The following FBXW10 variants were observed in gnomAD, a reference collection of about 807,000 sequenced individuals.
FBXW10 encodes F-box/WD repeat-containing protein 10.
A neutral mutation model predicts 113.1 loss-of-function variants in FBXW10; 68 were observed. The observed-to-expected ratio is 0.60, with a 90% CI of 0.49 to 0.74. The LOEUF is 0.74. FBXW10 is among the 30% of genes least tolerant of loss of function. FBXW10 has a pLI of 0.00. For synonymous variants in FBXW10, 289 were observed against 481.6 expected (o/e 0.60, Z 5.24); for missense variants, 753 against 1,284.5 (o/e 0.59, Z 6.32).
intron 9 of FBXW10, among the ~76,000 whole-genome samples, chr17:18,767,770 C>G (rs1029316461): frequency 2.0e-5 from 3 of 152,084 alleles, no homozygotes; most frequent in African/African-American, 7.2e-5. Flanking sequence ...ACAGGGATGG[C>G]CCATGTGCAC....
At position 18,748,058 on chromosome 17, in the gene FBXW10, C is replaced by T. The variant is rs1216807813; in HGVS notation, c.623C>T (p.Ser208Phe). 1 of 1,613,866 alleles carries T rather than the reference C, an allele frequency of 6.2e-7. No homozygotes were observed. Among genetic ancestry groups the T allele is most frequent in the Admixed American group, 1.7e-5 (1 of 60,006 alleles). The part of the protein sequence containing the change: ...AKTQHTSLPL[S>F]KAPENEHLLG... ...ACTCAGCACACATCCCTTCCTTTGT[C>T]CAAAGCCCCAGAAAATGAACACTTG... The change falls in exon 2 of 14, where the codon TCC becomes TTC. Residue 208 changes from serine (S) to phenylalanine (F), a missense_variant. Coordinates refer to ENST00000395665, the MANE Select transcript of FBXW10 (RefSeq NM_001267585.2).
chr17:18,772,183 G>A (rs1459325103), intron 11 of FBXW10, among the ~76,000 whole-genome samples: 2 of 152,158 alleles, frequency 1.3e-5, no homozygotes, highest in Non-Finnish European at 1.5e-5. Flanking sequence ...TATGTGCCCC[G>A]ATCATGTTTA....
rs2035760566 is a variant in FBXW10, at chr17:18,779,278, G to C, written c.3139G>C (p.Gly1047Arg). The C allele has an allele frequency of 1.6e-6, 2 of 1,236,854 alleles. No individual in the cohort carries two copies. The highest frequency in any genetic ancestry group is 4.7e-5 in the East Asian group (2 of 42,628). The allele number at this position is 1,236,854 out of a possible 1,614,324, so 76.6% of individuals were successfully genotyped here. A position where few individuals can be genotyped will look rare whatever the true frequency, so the allele number is the denominator to read the frequency against. ...AGGGAAAACAGCGGCCCCTGAACTT[G>C]GACAAAATGTATTTATCTAAACCAG... is the stretch of plus-strand genomic sequence containing the variant. ...KQGKTAAPEL[G>R]QNVFI Residue 1047 changes from glycine (G) to arginine (R), a missense_variant, in exon 14 of 14, where the codon GGA (glycine) becomes CGA (arginine). Transcript: ENST00000395665.
chr17:18,751,649 A>T (rs1048350030), intron 5 of FBXW10, among the ~76,000 whole-genome samples: 70 of 152,110 alleles, frequency 4.6e-4, no homozygotes, highest in African/African-American at 1.5e-3. Context: ...TGTCCATGGC[A>T]CCAGGTCATT....
chr17:18,749,334 C>A (rs953439021), intron 2 of FBXW10, among the ~76,000 whole-genome samples: 1 of 151,252 alleles, frequency 6.6e-6, no homozygotes, highest in Admixed American at 6.6e-5. Flanking sequence ...GTCAGGAGAT[C>A]GAGACCATCC....
chr17:18,766,516 G>A (rs1016371041), intron 8 of FBXW10, among the ~76,000 whole-genome samples, 198 bp from the exon 9 acceptor site: 2 of 152,154 alleles, frequency 1.3e-5, no homozygotes, highest in African/African-American at 4.8e-5. Context: ...TATTCAGGGC[G>A]CTCTGTGCTG....
chr17:18,763,685 T>C (rs75549328), intron 7 of FBXW10, among the ~76,000 whole-genome samples: 283 of 151,410 alleles, frequency 1.9e-3, no homozygotes, highest in African/African-American at 6.5e-3. Context: ...AGTGTTCTTG[T>C]TAAAAAACAG....
rs1567615175 is a variant in FBXW10 at position 18,749,795 on chromosome 17, C to CA, written c.746dup (p.Pro250AlafsTer11). 1 of 1,614,184 alleles carries CA rather than the reference C, an allele frequency of 6.2e-7. No homozygotes were observed. Among genetic ancestry groups the CA allele is most frequent in the East Asian group, 2.2e-5 (1 of 44,882 alleles). On this transcript the variant is annotated frameshift_variant, in exon 3 of 14. Transcript: ENST00000395665. LOFTEE classifies it high-confidence loss of function. ...TGTTTTCTGGAAAAGGAGACATAAC[C>CA]AAGCCAGGGTACGATCCCTGCAATC...
chr17:18,747,196 G>A (rs2035055362), intron 1 of FBXW10, among the ~76,000 whole-genome samples: 1 of 152,116 alleles, frequency 6.6e-6, no homozygotes, highest in African/African-American at 2.4e-5. Context: ...AGAGTGCTGG[G>A]ATTACAGGCA....
intron 5 of FBXW10, among the ~76,000 whole-genome samples, chr17:18,751,312 G>A (rs1374788825): frequency 1.3e-5 from 2 of 150,528 alleles, no homozygotes; most frequent in Non-Finnish European, 2.9e-5. Flanking sequence ...TGCAAGCTCC[G>A]CCTCCCGGGT....
intron 9 of FBXW10, among the ~76,000 whole-genome samples, chr17:18,767,990 T>C (rs544498950): frequency 2.0e-5 from 3 of 147,964 alleles, no homozygotes; most frequent in African/African-American, 7.5e-5. Context: ...GCCTTCTTTT[T>C]TTCTTTTATT....
At chr17:18,775,626 G>C (rs2035685139) in intron 13 of FBXW10, among the ~76,000 whole-genome samples, 1 of 152,224 alleles carries the variant, frequency 6.6e-6, no homozygotes, top group Non-Finnish European at 1.5e-5. Context: ...GCTGGTTTCA[G>C]AGAGAATTTT....
intron 6 of FBXW10, among the ~76,000 whole-genome samples, chr17:18,756,797 C>T (rs2151802505): frequency 6.6e-6 from 1 of 152,306 alleles, no homozygotes; most frequent in Non-Finnish European, 1.5e-5. Flanking sequence ...CCTAGGACTT[C>T]ACTTTATATT....
At chr17:18,770,492 C>T (rs1343236931) in intron 11 of FBXW10, among the ~76,000 whole-genome samples, 1 of 151,854 alleles carries the variant, frequency 6.6e-6, no homozygotes, top group Non-Finnish European at 1.5e-5. Flanking sequence ...TTAGTAGAGA[C>T]GGGGTTTCAC....
chr17:18,753,537 C>T (rs555875555), intron 5 of FBXW10, among the ~76,000 whole-genome samples: 1 of 152,246 alleles, frequency 6.6e-6, no homozygotes, highest in South Asian at 2.1e-4. Context: ...TCAAGCCACC[C>T]TTCGCCTTTC....
chr17:18,754,428 G>T (rs1376470832), intron 5 of FBXW10, among the ~76,000 whole-genome samples: 1 of 147,830 alleles, frequency 6.8e-6, no homozygotes, highest in Non-Finnish European at 1.5e-5. Context: ...GAAGGAGAGG[G>T]AGCAGAGGAA....
intron 2 of FBXW10, among the ~76,000 whole-genome samples, chr17:18,748,680 G>A: frequency 6.6e-6 from 1 of 152,096 alleles, no homozygotes. Flanking sequence ...GTGCCCACAA[G>A]ACACATCTGA....
intron 13 of FBXW10, among the ~76,000 whole-genome samples, chr17:18,777,912 T>A (rs1360740962): frequency 6.6e-6 from 1 of 152,106 alleles, no homozygotes; most frequent in Non-Finnish European, 1.5e-5. Flanking sequence ...TATGCTCACT[T>A]AGAGGCTAAT....
At chr17:18,760,620 A>G (rs1274924395) in intron 7 of FBXW10, among the ~76,000 whole-genome samples, 1 of 152,202 alleles carries the variant, frequency 6.6e-6, no homozygotes, top group Non-Finnish European at 1.5e-5. Flanking sequence ...CCTGACTAAC[A>G]TGGAGAAACC....
Sources: gnomAD v4.1 joint callset for allele counts (sites outside exome capture counted in the v4.1 genomes callset) on GRCh38, gnomAD v4.1.1 for gene constraint, MANE v1.5 for transcripts, NCBI Gene and HGNC (gene_info 2026-07-23, HGNC 2026-07-21) for gene names.